The following RTN1 variants were observed in gnomAD, a reference collection of about 807,000 sequenced individuals.
RTN1 encodes the protein reticulon-1.
RTN1 carries 25 observed loss-of-function variants against 65.5 expected under a neutral mutation model. The observed-to-expected ratio is 0.38, with a 90% CI of 0.28 to 0.53. The LOEUF is 0.53. Ranked by LOEUF, RTN1 falls within the 20% of genes least tolerant of loss-of-function variation. RTN1 has a pLI of 0.79. For synonymous variants in RTN1, 471 were observed against 447.6 expected, an observed-to-expected ratio of 1.05 and a Z score of -0.66; for missense variants, 983 against 1,025.4, an observed-to-expected ratio of 0.96 and a Z score of 0.57.
intron 3 of RTN1, among the ~76,000 whole-genome samples, chr14:59,687,883 G>A (rs1883880766): frequency 6.6e-6 from 1 of 152,088 alleles, no homozygotes. Context: ...TGGTGAAGGG[G>A]GGCCTTCTCT....
chr14:59,654,210 G>T (rs1883074221), intron 3 of RTN1, among the ~76,000 whole-genome samples: 2 of 152,192 alleles, frequency 1.3e-5, no homozygotes, highest in Non-Finnish European at 2.9e-5. Context: ...TGGATCACCT[G>T]AGGTCGGGAG....
At chr14:59,692,918 C>T (rs1282531429) in intron 3 of RTN1, among the ~76,000 whole-genome samples, 3 of 152,138 alleles carry the variant, frequency 2.0e-5, no homozygotes, top group Non-Finnish European at 4.4e-5. Flanking sequence ...AATGAGCCAC[C>T]ACCTTTAATA....
Position 59,868,219 on chromosome 14 carries a change from G to C in RTN1, c.241+2171C>G, listed in dbSNP as rs1040480286. Among the ~76,000 whole-genome samples, 4 of 152,114 alleles carry C rather than the reference G, an allele frequency of 2.6e-5. No homozygotes were observed. The highest frequency in any genetic ancestry group is 4.4e-5 in the Non-Finnish European group (3 of 68,022). ...GCAGCACATCCGGTCTACTTAATAAGAAACACAGAGATTTAAGACATTAAC... is the reference window on the plus strand; with the variant it reads ...GCAGCACATCCGGTCTACTTAATAACAAACACAGAGATTTAAGACATTAAC... On this transcript the variant is annotated intron_variant, in intron 1 of 8. Coordinates refer to ENST00000267484, the MANE Select transcript of RTN1 (RefSeq NM_021136.3). The surrounding 1 kb of genome is among the most constrained non-coding windows in gnomAD (Gnocchi z 4.0).
chr14:59,600,366 T>A (rs1881542360), intron 8 of RTN1, among the ~76,000 whole-genome samples: 2 of 152,146 alleles, frequency 1.3e-5, no homozygotes, highest in South Asian at 4.1e-4. Flanking sequence ...AAGAACCCTG[T>A]GTGGTATTAA....
chr14:59,785,417 T>A (rs900999927), intron 1 of RTN1, among the ~76,000 whole-genome samples: 5 of 152,178 alleles, frequency 3.3e-5, no homozygotes, highest in African/African-American at 1.2e-4. Context: ...ATAAGAAAAA[T>A]TACAACAAAA....
chr14:59,768,563 C>T (rs1885893386), intron 1 of RTN1, among the ~76,000 whole-genome samples: 1 of 152,108 alleles, frequency 6.6e-6, no homozygotes, highest in African/African-American at 2.4e-5. Flanking sequence ...GGCTAAACGT[C>T]CTCTGCACCT....
At chr14:59,822,783 G>T (rs527421176) in intron 1 of RTN1, among the ~76,000 whole-genome samples, 1 of 151,548 alleles carries the variant, frequency 6.6e-6, no homozygotes, top group South Asian at 2.1e-4. Context: ...TCAGGAGCAG[G>T]TTGTTTAATT....
rs568375123 is a variant in RTN1 at position 59,784,081 on chromosome 14, A to G, written c.242-37600T>C. ...TCTATTAGGTCATTTGTCTTTTTTT[A>G]TATTACTGTCTTGGAACTCATTATA... On this transcript the variant is annotated intron_variant, in intron 1 of 8. Transcript: ENST00000267484. 2.6e-5 allele frequency among the ~76,000 whole-genome samples: 4 copies of G among 152,098 alleles called. No homozygotes were observed. The East Asian group carries it at 7.7e-4, about 29-fold the overall frequency.
At chr14:59,655,593 G>A (rs974650170) in intron 3 of RTN1, among the ~76,000 whole-genome samples, 7 of 152,224 alleles carry the variant, frequency 4.6e-5, no homozygotes, top group African/African-American at 1.7e-4. Context: ...CAATGATCAA[G>A]ACAGGGTGGT....
At position 59,746,294 on chromosome 14, in the gene RTN1, C is replaced by T; in HGVS notation, c.429G>A (p.Leu143=). 1 of 1,613,896 alleles carries T rather than the reference C, an allele frequency of 6.2e-7. No individual in the cohort carries two copies. The highest frequency in any genetic ancestry group is 1.1e-5 in the South Asian group (1 of 91,026). ...HVTISESPEE[L]GTPGPSLPDV... ...CTGGTAAGGAGGGGCCGGGTGTACC[C>T]AGCTCCTCAGGGCTCTCTGAAATGG... The change falls in exon 2 of 9, where the codon CTG becomes CTA. Residue 143 remains leucine, a synonymous_variant. Coordinates refer to ENST00000267484, the MANE Select transcript of RTN1 (RefSeq NM_021136.3).
Position 59,870,633 on chromosome 14 carries a change from C to A in RTN1, c.-3G>T. ...TGCGGATCCCCCGGCGCGGCCATGG[C>A]TGGCGGTCCCCCGGCGCGGCGACGG... On this transcript the variant is annotated 5_prime_UTR_variant, in exon 1 of 9. Coordinates refer to ENST00000267484, the MANE Select transcript of RTN1 (RefSeq NM_021136.3). This position sits in a 1 kb window ranked among gnomAD's most constrained non-coding sequence, Gnocchi z 5.1. 7.2e-7 allele frequency: 1 copy of A among 1,389,348 alleles called. No individual in the cohort carries two copies. Among genetic ancestry groups the A allele is most frequent in the Admixed American group, 3.2e-5 (1 of 30,912 alleles). The allele number at this position is 1,389,348 out of a possible 1,614,324, so 86.1% of individuals were successfully genotyped here. A position where few individuals can be genotyped will look rare whatever the true frequency, so the allele number is the denominator to read the frequency against.
chr14:59,747,632 T>C (rs1034598160), intron 1 of RTN1, among the ~76,000 whole-genome samples: 2 of 151,390 alleles, frequency 1.3e-5, no homozygotes, highest in African/African-American at 4.9e-5. Context: ...ATAGTGAGCA[T>C]AAAAGGAAAA....
At chr14:59,645,412 TATGTTACATGTTTTCTAC>T (rs1396228420) in intron 3 of RTN1, among the ~76,000 whole-genome samples, 3 of 151,024 alleles carry the variant, frequency 2.0e-5, no homozygotes, top group Non-Finnish European at 4.5e-5. Flanking sequence ...ATGTTTTCTA[TATGTTACATGTTTTCTAC>T]ATGTTACATG....
At position 59,748,349 on chromosome 14, in the gene RTN1, C is replaced by G. The variant is rs570557430; in HGVS notation, c.242-1868G>C. Among the ~76,000 whole-genome samples, 11 of 152,084 alleles carry G rather than the reference C, an allele frequency of 7.2e-5. 1 individual carries two copies. Among genetic ancestry groups the G allele is most frequent in the Admixed American group, 2.0e-4 (3 of 15,268 alleles). Reference sequence around the variant, plus strand: ...CAGTGGAAAAGCACAAAGCCTCTTCCCTGTTCTAGCACTTTCCTACCTCAG... The same window carrying G: ...CAGTGGAAAAGCACAAAGCCTCTTCGCTGTTCTAGCACTTTCCTACCTCAG... On this transcript the variant is annotated intron_variant, in intron 1 of 8. Coordinates refer to ENST00000267484, the MANE Select transcript of RTN1 (RefSeq NM_021136.3).
rs184387241 is a variant in RTN1 at position 59,717,634 on chromosome 14, A to C, written c.1765+9285T>G. ...GTGGGGTGGAGAGATGTTAGGTAGC[A>C]TCCCCTGGATGAGCTGGCAAGACCA... On this transcript the variant is annotated intron_variant, in intron 3 of 8. Transcript: ENST00000267484. 1.2e-3 allele frequency among the ~76,000 whole-genome samples: 186 copies of C among 152,322 alleles called. 1 individual carries two copies. The highest frequency in any genetic ancestry group is 3.4e-3 in the Middle Eastern group (1 of 294).
At chr14:59,680,920 AAAG>A (rs199835669) in intron 3 of RTN1, among the ~76,000 whole-genome samples, 2,832 of 152,080 alleles carry the variant, frequency 0.019, 44 homozygotes, top group Non-Finnish European at 0.03. Flanking sequence ...CAAGTTAAAA[AAAG>A]AAGTATATGA....
intron 3 of RTN1, among the ~76,000 whole-genome samples, chr14:59,654,379 A>T (rs1883078936): frequency 6.6e-6 from 1 of 151,102 alleles, no homozygotes; most frequent in African/African-American, 2.4e-5. Context: ...CAGTGAGCCA[A>T]GATTGTGCCA....
At chr14:59,853,522 T>A (rs929307789) in intron 1 of RTN1, among the ~76,000 whole-genome samples, 7 of 152,074 alleles carry the variant, frequency 4.6e-5, no homozygotes, top group Non-Finnish European at 1.0e-4. Flanking sequence ...TCAACCAGAG[T>A]CAAGATTTCT....
At chr14:59,865,783 T>C (rs1380817589) in intron 1 of RTN1, among the ~76,000 whole-genome samples, 1 of 152,180 alleles carries the variant, frequency 6.6e-6, no homozygotes, top group African/African-American at 2.4e-5. Flanking sequence ...AGCATCGTTT[T>C]CAAAACTCCC....
Sources: gnomAD v4.1 joint callset for allele counts (sites outside exome capture counted in the v4.1 genomes callset) on GRCh38, gnomAD v4.1.1 for gene constraint, Gnocchi (gnomAD v3.1) non-coding constraint, MANE v1.5 for transcripts, NCBI Gene and HGNC (gene_info 2026-07-23, HGNC 2026-07-21) for gene names.